ATRNL1: variants seen among roughly 807,000 people sequenced by gnomAD.
The protein encoded by ATRNL1 is attractin-like protein 1.
In ATRNL1, 95 loss-of-function variants were observed where a neutral mutation model predicts 182.7. The observed-to-expected ratio is 0.52, with a 90% confidence interval of 0.44 to 0.62. The LOEUF (loss-of-function observed/expected upper bound fraction) is 0.62. ATRNL1 is among the 20% of genes least tolerant of loss of function. The pLI is 0.00. For synonymous variants in ATRNL1, 576 were observed against 568.3 expected (o/e 1.01, Z -0.19); for missense variants, 1,471 against 1,679.5 (o/e 0.88, Z 2.17).
chr10:115,396,579 C>A (rs1277583376), intron 20 of ATRNL1, among the ~76,000 whole-genome samples: 2 of 151,860 alleles, frequency 1.3e-5, no homozygotes, highest in African/African-American at 4.8e-5. Flanking sequence ...TGATTAACTT[C>A]TATTAAATAT....
chr10:115,858,299 A>G (rs939039483), intron 28 of ATRNL1, among the ~76,000 whole-genome samples: 9 of 152,242 alleles, frequency 5.9e-5, no homozygotes, highest in African/African-American at 2.2e-4. Context: ...ATGCCCATCA[A>G]TGATAGCCTG....
chr10:115,634,816 C>T (rs925532269), intron 26 of ATRNL1, among the ~76,000 whole-genome samples: 5 of 151,928 alleles, frequency 3.3e-5, no homozygotes, highest in African/African-American at 7.3e-5. Flanking sequence ...CTAGATGTGC[C>T]GGCAAGATGG....
intron 24 of ATRNL1, among the ~76,000 whole-genome samples, chr10:115,470,260 C>T (rs997361985): frequency 6.7e-6 from 1 of 150,088 alleles, no homozygotes; most frequent in Non-Finnish European, 1.5e-5. Context: ...GTTGATGTAA[C>T]ACTTAAATTA....
At chr10:115,384,461 A>G (rs1858218361) in intron 19 of ATRNL1, among the ~76,000 whole-genome samples, 1 of 151,972 alleles carries the variant, frequency 6.6e-6, no homozygotes, top group Non-Finnish European at 1.5e-5. Context: ...TTCTTTTAAG[A>G]AAATATTTTA....
At chr10:115,203,471 G>T (rs1229293644) in intron 8 of ATRNL1, among the ~76,000 whole-genome samples, 2 of 151,850 alleles carry the variant, frequency 1.3e-5, no homozygotes, top group Non-Finnish European at 2.9e-5. Context: ...CCATGATCTG[G>T]TCATTTCTTG....
intron 10 of ATRNL1, among the ~76,000 whole-genome samples, chr10:115,264,477 A>T (rs1217858420): frequency 2.0e-5 from 3 of 151,600 alleles, no homozygotes; most frequent in African/African-American, 7.2e-5. Context: ...TGAAATCTAA[A>T]ACACTGTATT....
intron 28 of ATRNL1, among the ~76,000 whole-genome samples, chr10:115,881,213 G>A (rs782310300): frequency 2.9e-4 from 44 of 152,320 alleles, no homozygotes; most frequent in Non-Finnish European, 5.4e-4. Flanking sequence ...CTATACATGG[G>A]AGTACCGTAG....
At chr10:115,784,025 A>ACAACAG (rs1325339977) in intron 27 of ATRNL1, among the ~76,000 whole-genome samples, 17 of 152,178 alleles carry the variant, frequency 1.1e-4, no homozygotes, top group African/African-American at 4.1e-4. Flanking sequence ...AACAACAACA[A>ACAACAG]CAACAACAAA....
intron 1 of ATRNL1, among the ~76,000 whole-genome samples, chr10:115,115,120 A>C (rs1435935986): frequency 6.6e-6 from 1 of 152,192 alleles, no homozygotes; most frequent in Non-Finnish European, 1.5e-5. Context: ...ATGCAAAATA[A>C]GCTAGGCTTA....
chr10:115,710,615 A>G (rs1327576649), intron 26 of ATRNL1, among the ~76,000 whole-genome samples: 2 of 152,126 alleles, frequency 1.3e-5, no homozygotes, highest in East Asian at 3.8e-4. Context: ...TAAACAACCA[A>G]CAGGTGGGGG....
chr10:115,569,476 A>C (rs1854263256), intron 26 of ATRNL1, among the ~76,000 whole-genome samples: 1 of 152,216 alleles, frequency 6.6e-6, no homozygotes, highest in Non-Finnish European at 1.5e-5. Context: ...TACCAACTGC[A>C]TGAAGAGTGT....
intron 21 of ATRNL1, among the ~76,000 whole-genome samples, chr10:115,427,543 A>AAT (rs1410869795): frequency 7.9e-5 from 12 of 152,128 alleles, no homozygotes; most frequent in African/African-American, 2.7e-4. Context: ...TTTTGGTAGA[A>AAT]ATATTATATT....
intron 27 of ATRNL1, among the ~76,000 whole-genome samples, chr10:115,804,183 A>C (rs946095893): frequency 2.6e-5 from 4 of 152,064 alleles, no homozygotes; most frequent in Admixed American, 2.6e-4. Flanking sequence ...TTTGTATACT[A>C]CTCCCTAATT....
At chr10:115,624,979 A>G (rs1555024223) in intron 26 of ATRNL1, among the ~76,000 whole-genome samples, 1 of 152,146 alleles carries the variant, frequency 6.6e-6, no homozygotes, top group African/African-American at 2.4e-5. Flanking sequence ...TACTATCATA[A>G]TACTAAATTA....
At chr10:115,799,428 A>G (rs1265720611) in intron 27 of ATRNL1, among the ~76,000 whole-genome samples, 1 of 152,182 alleles carries the variant, frequency 6.6e-6, no homozygotes, top group Non-Finnish European at 1.5e-5. Context: ...CTGGACAGGG[A>G]AAAATCAGAC....
intron 15 of ATRNL1, among the ~76,000 whole-genome samples, chr10:115,294,954 G>A (rs1347728420): frequency 2.0e-5 from 3 of 152,098 alleles, no homozygotes; most frequent in Admixed American, 6.5e-5. Context: ...TCAGATTACG[G>A]GCATGTGAGT....
chr10:115,874,313 A>G (rs974928826), intron 28 of ATRNL1, among the ~76,000 whole-genome samples: 2 of 152,156 alleles, frequency 1.3e-5, no homozygotes, highest in African/African-American at 4.8e-5. Context: ...TCTCCATTGC[A>G]GTTTCCGTTC....
At chr10:115,664,106 A>G (rs1369001042) in intron 26 of ATRNL1, among the ~76,000 whole-genome samples, 1 of 152,048 alleles carries the variant, frequency 6.6e-6, no homozygotes, top group Admixed American at 6.6e-5. Context: ...CATTGAGACT[A>G]CCTTCCTGGC....
chr10:115,274,898 G>A (rs781459987), intron 13 of ATRNL1, among the ~76,000 whole-genome samples: 5 of 152,132 alleles, frequency 3.3e-5, no homozygotes, highest in Non-Finnish European at 7.4e-5. Context: ...ATTACCACTC[G>A]GTTAAGCTTA....
Sources: allele counts gnomAD v4.1 joint callset (sites outside exome capture counted in the v4.1 genomes callset), GRCh38; gene constraint gnomAD v4.1.1; transcripts MANE v1.5; gene names NCBI Gene and HGNC (gene_info 2026-07-23, HGNC 2026-07-21).